The following MECOM variants were observed in gnomAD, a reference collection of about 807,000 sequenced individuals.
MECOM encodes MDS1 and EVI1 complex locus.
Under a neutral mutation model 116.3 loss-of-function variants are expected in MECOM, and 13 were observed. The observed-to-expected ratio is 0.11, with a 90% CI of 0.07 to 0.18. The LOEUF is 0.18. Among genes scored for constraint, MECOM ranks in the 10% least tolerant of loss-of-function variants. The pLI, the probability that MECOM is intolerant of heterozygous loss-of-function variation, is 1.00. For missense variants in MECOM, 1,299 were observed against 1,509.0 expected (o/e 0.86, Z 2.31); for synonymous variants, 528 against 535.2 (o/e 0.99, Z 0.19).
At chr3:169,188,238 A>C (rs1747029783) in intron 2 of MECOM, among the ~76,000 whole-genome samples, 1 of 152,108 alleles carries the variant, frequency 6.6e-6, no homozygotes, top group African/African-American at 2.4e-5. Flanking sequence ...ATGTCAGCAT[A>C]TCTCCTACCC....
At chr3:169,294,193 G>A (rs924451180) in intron 2 of MECOM, among the ~76,000 whole-genome samples, 5 of 151,930 alleles carry the variant, frequency 3.3e-5, no homozygotes, top group African/African-American at 1.2e-4. Context: ...TAACCTTCCA[G>A]GATCTTGGTT....
At chr3:169,542,421 G>A (rs1173576849) in intron 1 of MECOM, among the ~76,000 whole-genome samples, 1 of 151,976 alleles carries the variant, frequency 6.6e-6, no homozygotes, top group African/African-American at 2.4e-5. Context: ...TGTAAACAAT[G>A]CCCTGGGGAT....
intron 7 of MECOM, among the ~76,000 whole-genome samples, chr3:169,118,027 C>A (rs1269129075): frequency 6.6e-6 from 1 of 151,978 alleles, no homozygotes; most frequent in Admixed American, 6.6e-5. Context: ...CAAAATGCAA[C>A]AGTTATTGCT....
At chr3:169,425,906 T>G (rs966766090) in intron 1 of MECOM, among the ~76,000 whole-genome samples, 1 of 152,088 alleles carries the variant, frequency 6.6e-6, no homozygotes, top group African/African-American at 2.4e-5. Flanking sequence ...TCAAAGCAGA[T>G]AGCATAGAGC....
At chr3:169,497,656 C>A (rs150839451) in intron 1 of MECOM, among the ~76,000 whole-genome samples, 21 of 152,312 alleles carry the variant, frequency 1.4e-4, no homozygotes, top group Non-Finnish European at 2.9e-4. Context: ...CAGCTCCCGG[C>A]CAGTTTTTCT....
chr3:169,388,452 A>T (rs1294551671), intron 1 of MECOM, among the ~76,000 whole-genome samples: 1 of 152,202 alleles, frequency 6.6e-6, no homozygotes, highest in Non-Finnish European at 1.5e-5. Flanking sequence ...ACTGGCCAGC[A>T]AAATCTTCTA....
At chr3:169,386,522 T>A (rs1733340832) in intron 1 of MECOM, among the ~76,000 whole-genome samples, 1 of 152,222 alleles carries the variant, frequency 6.6e-6, no homozygotes, top group African/African-American at 2.4e-5. Context: ...GACTTTTTCA[T>A]TGGATTATAG....
At chr3:169,572,122 A>G (rs1285656710) in intron 1 of MECOM, among the ~76,000 whole-genome samples, 1 of 152,264 alleles carries the variant, frequency 6.6e-6, no homozygotes, top group Non-Finnish European at 1.5e-5. Context: ...AGAATCTATA[A>G]GGAACCCAAA....
chr3:169,643,621 CAA>C (rs770514679), intron 1 of MECOM, among the ~76,000 whole-genome samples: 28 of 152,108 alleles, frequency 1.8e-4, no homozygotes, highest in Non-Finnish European at 3.1e-4. Flanking sequence ...TATAAAATTA[CAA>C]AAAGAGTCCT....
Position 169,116,367 on chromosome 3 carries a change from C to T in MECOM, c.1505G>A (p.Arg502Lys). 1 of 1,614,144 alleles carries T rather than the reference C, an allele frequency of 6.2e-7. No individual in the cohort carries two copies. Among genetic ancestry groups the T allele is most frequent in the Non-Finnish European group, 8.5e-7 (1 of 1,180,032 alleles). The change falls in exon 8 of 17, where the codon AGG becomes AAG. Residue 502 changes from arginine (R) to lysine (K), a missense_variant. Transcript: ENST00000651503. ...PGLFPSGLYH[R>K]PPLIPASSPV... ...AGAACTAGCAGGTATCAAAGGAGGC[C>T]TGTGGTACAAGCCGGAAGGAAACAG...
At chr3:169,466,627 C>G (rs1460622827) in intron 1 of MECOM, among the ~76,000 whole-genome samples, 2 of 151,546 alleles carry the variant, frequency 1.3e-5, no homozygotes, top group Non-Finnish European at 2.9e-5. Flanking sequence ...CTTTTTTTTC[C>G]TCTTTCACTT....
rs577161461 is a variant in MECOM, at chr3:169,208,501, A to G, written c.376-64669T>C. On this transcript the variant is annotated intron_variant, in intron 2 of 16. Coordinates refer to ENST00000651503, the MANE Select transcript of MECOM (RefSeq NM_004991.4). ...AAAGACACAGTGGGATTTGGGTAAT[A>G]AATAATGTCAATCTAATAGCATTAT... Among the ~76,000 whole-genome samples the G allele has an allele frequency of 5.9e-5, 9 of 152,072 alleles. No homozygotes were observed. In the South Asian group the frequency reaches 1.7e-3, roughly 28 times the overall value.
intron 2 of MECOM, among the ~76,000 whole-genome samples, chr3:169,314,095 G>A (rs1719297592): frequency 6.6e-6 from 1 of 152,182 alleles, no homozygotes. Flanking sequence ...TACACAATTA[G>A]CTACACTTTG....
chr3:169,482,664 T>C (rs947705950), intron 1 of MECOM, among the ~76,000 whole-genome samples: 2 of 152,134 alleles, frequency 1.3e-5, no homozygotes, highest in Non-Finnish European at 2.9e-5. Flanking sequence ...AAGTCATGCA[T>C]CGAGAAGTCA....
intron 1 of MECOM, among the ~76,000 whole-genome samples, chr3:169,448,967 A>T (rs1046247581): frequency 6.6e-6 from 1 of 152,156 alleles, no homozygotes; most frequent in Non-Finnish European, 1.5e-5. Context: ...CTGAAATTTT[A>T]TTTGAAATCA....
rs533158218 is a variant in MECOM at position 169,100,233 on chromosome 3, G to T, written c.2849+652C>A. Among the ~76,000 whole-genome samples the T allele has an allele frequency of 1.3e-3, 193 of 151,248 alleles. 3 individuals are homozygous for T. The highest frequency in any genetic ancestry group is 4.5e-3 in the African/African-American group (186 of 41,246). On this transcript the variant is annotated intron_variant, in intron 12 of 16. Coordinates refer to ENST00000651503, the MANE Select transcript of MECOM (RefSeq NM_004991.4). ...CCTGCCTCAGTCTCACAAGTAGCTGGGACTACAGGTGTGAGCCACCACACC... is the reference window on the plus strand; with the variant it reads ...CCTGCCTCAGTCTCACAAGTAGCTGTGACTACAGGTGTGAGCCACCACACC...
At chr3:169,250,055 C>A (rs995721140) in intron 2 of MECOM, among the ~76,000 whole-genome samples, 18 of 152,112 alleles carry the variant, frequency 1.2e-4, no homozygotes, top group African/African-American at 4.1e-4. Flanking sequence ...CTCAAACTTG[C>A]AGGAGGCGGG....
chr3:169,642,289 A>G (rs1194313565), intron 1 of MECOM, among the ~76,000 whole-genome samples: 2 of 152,156 alleles, frequency 1.3e-5, no homozygotes, highest in Non-Finnish European at 2.9e-5. Context: ...TGCTTTATCC[A>G]TTTCAAATGT....
At chr3:169,293,147 C>A (rs1213908395) in intron 2 of MECOM, among the ~76,000 whole-genome samples, 1 of 152,132 alleles carries the variant, frequency 6.6e-6, no homozygotes, top group Admixed American at 6.5e-5. Context: ...ACAGAGCATG[C>A]CGAGAGTCTG....
Sources: gnomAD v4.1 joint callset for allele counts (sites outside exome capture counted in the v4.1 genomes callset) on GRCh38, gnomAD v4.1.1 for gene constraint, MANE v1.5 for transcripts, NCBI Gene and HGNC (gene_info 2026-07-23, HGNC 2026-07-21) for gene names.